The following NTM variants were observed in gnomAD, a reference collection of about 807,000 sequenced individuals.
The protein encoded by NTM is neurotrimin, also known as IgLON family member 2.
In NTM, 13 loss-of-function variants were observed where a neutral mutation model predicts 42.1. That is an observed-to-expected ratio of 0.31 (90% CI 0.20 to 0.49). The LOEUF is 0.49. NTM is among the 20% of genes least tolerant of loss of function. NTM has a pLI of 0.99. For synonymous variants in NTM, 187 were observed against 179.2 expected (o/e 1.04, Z -0.35); for missense variants, 373 against 452.8 (o/e 0.82, Z 1.60).
intron 1 of NTM, among the ~76,000 whole-genome samples, chr11:131,483,650 T>A (rs1315115220): frequency 1.3e-5 from 2 of 151,810 alleles, no homozygotes; most frequent in African/African-American, 4.9e-5. Context: ...TCAGTGACTT[T>A]GAGTCTTTGT....
chr11:131,862,403 A>G (rs524838), intron 1 of NTM, among the ~76,000 whole-genome samples: 150,320 of 152,318 alleles, frequency 0.99, 74,182 homozygotes, highest in East Asian at 1. Context: ...GAGCAACCCT[A>G]TCCCAGGAGT....
At chr11:131,440,732 G>A (rs1949542565) in intron 1 of NTM, among the ~76,000 whole-genome samples, 1 of 143,566 alleles carries the variant, frequency 7.0e-6, no homozygotes, top group African/African-American at 2.6e-5. Context: ...AGGTTCCACA[G>A]ATGAGTGACG....
intron 1 of NTM, among the ~76,000 whole-genome samples, chr11:131,484,847 TATAAG>T (rs1953987217): frequency 6.6e-6 from 1 of 152,052 alleles, no homozygotes; most frequent in African/African-American, 2.4e-5. Context: ...AAAATATAAT[TATAAG>T]AAGGAAGTGG....
intron 1 of NTM, among the ~76,000 whole-genome samples, chr11:131,755,635 C>A (rs1240633497): frequency 6.6e-6 from 1 of 152,170 alleles, no homozygotes; most frequent in Admixed American, 6.5e-5. Flanking sequence ...GGCAACTTTT[C>A]CAGCATGGTG....
chr11:131,988,967 T>TA (rs2066544691), intron 2 of NTM, among the ~76,000 whole-genome samples: 1 of 152,212 alleles, frequency 6.6e-6, no homozygotes, highest in Admixed American at 6.5e-5. Flanking sequence ...ATAAAATAGA[T>TA]ATATCATCTT....
intron 1 of NTM, among the ~76,000 whole-genome samples, chr11:131,905,059 A>G (rs2053666666): frequency 6.6e-6 from 1 of 152,154 alleles, no homozygotes; most frequent in East Asian, 1.9e-4. Flanking sequence ...AGCACAGCCA[A>G]TGGCAGCTCC....
At chr11:131,985,482 T>A (rs577480762) in intron 2 of NTM, among the ~76,000 whole-genome samples, 8 of 152,288 alleles carry the variant, frequency 5.3e-5, no homozygotes, top group Non-Finnish European at 1.0e-4. Context: ...CCTTTGCCCA[T>A]GCAACAGTGC....
chr11:132,085,169 T>C (rs1209858840), intron 2 of NTM, among the ~76,000 whole-genome samples: 1 of 152,254 alleles, frequency 6.6e-6, no homozygotes, highest in Non-Finnish European at 1.5e-5. Context: ...GGCAAAAATG[T>C]ACATTTTCAT....
At chr11:132,265,763 T>C (rs2093145057) in intron 4 of NTM, among the ~76,000 whole-genome samples, 1 of 152,184 alleles carries the variant, frequency 6.6e-6, no homozygotes, top group Non-Finnish European at 1.5e-5. Context: ...TTTTTTTATG[T>C]ATTAACTCAT....
intron 1 of NTM, among the ~76,000 whole-genome samples, chr11:131,428,619 T>A (rs1948385244): frequency 6.6e-6 from 1 of 151,990 alleles, no homozygotes; most frequent in East Asian, 1.9e-4. Context: ...CCCCTAGACT[T>A]GAGGAAAGAA....
At chr11:132,012,488 C>T (rs1352689586) in intron 2 of NTM, among the ~76,000 whole-genome samples, 3 of 152,020 alleles carry the variant, frequency 2.0e-5, no homozygotes, top group Admixed American at 6.6e-5. Context: ...GTTAAACAGA[C>T]GTCTGAAGAT....
At chr11:131,725,600 A>C (rs1338444833) in intron 1 of NTM, among the ~76,000 whole-genome samples, 1 of 152,202 alleles carries the variant, frequency 6.6e-6, no homozygotes, top group Non-Finnish European at 1.5e-5. Flanking sequence ...TTCCAGAAAC[A>C]TCAAGGACGT....
At chr11:132,275,739 T>TATATATGTATATATATACGTATATATAC (rs2093694796) in intron 4 of NTM, among the ~76,000 whole-genome samples, 2 of 32,540 alleles carry the variant, frequency 6.1e-5, no homozygotes, top group South Asian at 1.9e-3. Flanking sequence ...TATATACGTA[T>TATATATGTATATATATACGTATATATAC]ATATATATGT....
intron 8 of NTM, among the ~76,000 whole-genome samples, chr11:132,332,057 T>C (rs1376085335): frequency 6.6e-6 from 1 of 152,184 alleles, no homozygotes; most frequent in East Asian, 1.9e-4. Context: ...ATGATCGATT[T>C]GGGGTAGAAA....
intron 1 of NTM, among the ~76,000 whole-genome samples, chr11:131,584,470 G>T (rs1424182560): frequency 6.6e-6 from 1 of 152,182 alleles, no homozygotes; most frequent in Non-Finnish European, 1.5e-5. Flanking sequence ...TGGGAAGTGA[G>T]AATTTTAAGT....
chr11:131,780,724 T>C (rs184536655), intron 1 of NTM, among the ~76,000 whole-genome samples: 1 of 152,292 alleles, frequency 6.6e-6, no homozygotes, highest in African/African-American at 2.4e-5. Context: ...ATATGTCCAA[T>C]GTTAAAAAGT....
chr11:131,522,074 G>C (rs1428125958), intron 1 of NTM, among the ~76,000 whole-genome samples: 1 of 152,164 alleles, frequency 6.6e-6, no homozygotes, highest in Non-Finnish European at 1.5e-5. Context: ...AAGTGACTCT[G>C]GGTTCCTGGA....
intron 1 of NTM, among the ~76,000 whole-genome samples, chr11:131,658,047 G>T (rs1029855110): frequency 6.6e-6 from 1 of 152,128 alleles, no homozygotes; most frequent in Non-Finnish European, 1.5e-5. Flanking sequence ...AAGATAAAGG[G>T]GTGGGGTGGG....
intron 1 of NTM, among the ~76,000 whole-genome samples, chr11:131,457,709 A>G (rs1364805248): frequency 1.3e-5 from 2 of 150,114 alleles, no homozygotes; most frequent in Admixed American, 6.6e-5. Flanking sequence ...AATGCACTAA[A>G]TGTTTTTGTC....
Sources: gnomAD v4.1 joint callset for allele counts (sites outside exome capture counted in the v4.1 genomes callset) on GRCh38, gnomAD v4.1.1 for gene constraint, MANE v1.5 for transcripts, NCBI Gene and HGNC (gene_info 2026-07-23, HGNC 2026-07-21) for gene names.